The following MTAP variants were observed in gnomAD, a reference collection of about 807,000 sequenced individuals.
MTAP encodes the protein S-methyl-5'-thioadenosine phosphorylase.
Under a neutral mutation model 33.6 loss-of-function variants are expected in MTAP, and 33 were observed. The ratio of observed to expected loss-of-function variants is 0.98; its 90% CI spans 0.74 to 1.31. The LOEUF (loss-of-function observed/expected upper bound fraction) is 1.31. Ranked by LOEUF, MTAP falls within the 40% of genes most tolerant of loss-of-function variation. The pLI, the probability that MTAP is intolerant of heterozygous loss-of-function variation, is 0.00. For missense variants in MTAP, 367 were observed against 360.0 expected (o/e 1.02, Z -0.16); for synonymous variants, 148 against 125.7 (o/e 1.18, Z -1.19).
chr9:21,811,902 G>A (rs183555274), intron 1 of MTAP: 3 of 372,740 alleles, frequency 8.0e-6, no homozygotes, highest in African/African-American at 4.2e-5. Flanking sequence ...ACACACAGCT[G>A]TTTTTATATC....
downstream of MTAP, chr9:21,934,647 A>G (rs1424344435): frequency 6.6e-6 from 1 of 152,146 alleles, no homozygotes; most frequent in Non-Finnish European, 1.5e-5. The surrounding 1 kb of genome is among the most constrained non-coding windows in gnomAD (Gnocchi z 5.0). Context: ...AAGCAAGTAT[A>G]TATTAAGTAT....
At chr9:21,929,894 G>A (rs181100676) in intron 1 of MTAP, 161 of 355,378 alleles carry the variant, frequency 4.5e-4, no homozygotes, top group African/African-American at 2.7e-3. Context: ...AGCTTGTAAT[G>A]TTACTCTCTC....
intron 1 of MTAP, among the ~76,000 whole-genome samples, chr9:21,901,566 A>G (rs1453208066): frequency 6.6e-6 from 1 of 152,234 alleles, no homozygotes; most frequent in Admixed American, 6.5e-5. Flanking sequence ...TAAAACCTAT[A>G]AACGAGCTTT....
rs1236368174 is a variant in MTAP, at chr9:21,915,052, C to T, written c.148-15956C>T. ...CCTTCCTTCCTTCCTTCCTTCCTTCCTTCCTTTCTTTCTTTCTTTCTTTCT... is the reference window on the plus strand; with the variant it reads ...CCTTCCTTCCTTCCTTCCTTCCTTCTTTCCTTTCTTTCTTTCTTTCTTTCT... On this transcript the variant is annotated intron_variant, in intron 1 of 1. Coordinates refer to the MTAP transcript ENST00000577563. Among the ~76,000 whole-genome samples the T allele has an allele frequency of 5.9e-3, 585 of 98,942 alleles. 43 individuals carry two copies. The highest frequency in any genetic ancestry group is 0.027 in the African/African-American group (554 of 20,654). The allele number at this position is 98,942 out of a possible 152,430, so 64.9% of individuals were successfully genotyped here.
intron 1 of MTAP, among the ~76,000 whole-genome samples, chr9:21,899,500 A>G (rs967619369): frequency 6.6e-6 from 1 of 152,026 alleles, no homozygotes; most frequent in African/African-American, 2.4e-5. Context: ...TATAAAGGAG[A>G]GAGGTTCAGT....
intron 1 of MTAP, among the ~76,000 whole-genome samples, chr9:21,896,256 A>C (rs1424725956): frequency 4.6e-5 from 7 of 152,222 alleles, no homozygotes; most frequent in African/African-American, 1.7e-4. Flanking sequence ...GTACACATTT[A>C]AAGCAATAAA....
Position 21,818,115 on chromosome 9 carries a change from C to T in MTAP, c.260C>T (p.Thr87Ile). 1 of 1,614,012 alleles carries T rather than the reference C, an allele frequency of 6.2e-7. No individual in the cohort carries two copies. The highest frequency in any genetic ancestry group is 8.5e-7 in the Non-Finnish European group (1 of 1,179,988). The part of the protein sequence containing the change: ...NIWALKEEGC[T>I]HVIVTTACGS... ...TGGGCTTTGAAGGAAGAGGGCTGTACACATGTCATAGTGACCACAGCTTGT... is the reference window on the plus strand; with the variant it reads ...TGGGCTTTGAAGGAAGAGGGCTGTATACATGTCATAGTGACCACAGCTTGT... The change falls in exon 4 of 8, where the codon ACA (threonine) becomes ATA (isoleucine). Residue 87 changes from threonine to isoleucine, a missense_variant. Thr to Ile is a moderately conservative substitution (Grantham distance 89, BLOSUM62 -1). Coordinates refer to ENST00000644715, the MANE Select transcript of MTAP (RefSeq NM_002451.4).
intron 1 of MTAP, among the ~76,000 whole-genome samples, chr9:21,881,095 A>G (rs1818003974): frequency 6.6e-6 from 1 of 152,084 alleles, no homozygotes; most frequent in African/African-American, 2.4e-5. Flanking sequence ...AGAGCCCTGA[A>G]ATAAATCCTT....
intron 1 of MTAP, among the ~76,000 whole-genome samples, chr9:21,809,785 A>G (rs1824299892): frequency 6.6e-6 from 1 of 152,234 alleles, no homozygotes; most frequent in Non-Finnish European, 1.5e-5. Context: ...GGGCTTTGGT[A>G]TTGAAAGCTA....
chr9:21,916,777 G>A (rs1043253933), intron 1 of MTAP, among the ~76,000 whole-genome samples: 3 of 152,088 alleles, frequency 2.0e-5, no homozygotes, highest in South Asian at 4.1e-4. Flanking sequence ...TGGATCCTTC[G>A]TAGAGAGCAA....
intron 5 of MTAP, among the ~76,000 whole-genome samples, chr9:21,844,599 C>T (rs923397941): frequency 1.3e-5 from 2 of 152,180 alleles, no homozygotes; most frequent in Non-Finnish European, 2.9e-5. Flanking sequence ...AAATGTGATA[C>T]ATCACATAAA....
intron 1 of MTAP, among the ~76,000 whole-genome samples, chr9:21,810,518 A>G (rs781172668): frequency 3.9e-5 from 6 of 152,182 alleles, no homozygotes; most frequent in Non-Finnish European, 5.9e-5. Flanking sequence ...CTGGGACTGC[A>G]TGAATCCCTT....
downstream of MTAP, among the ~76,000 whole-genome samples, chr9:21,868,869 C>G (rs535528469): frequency 1.1e-4 from 16 of 152,270 alleles, no homozygotes; most frequent in African/African-American, 3.6e-4. Flanking sequence ...TTGCATGGCA[C>G]CACCCCAGAG....
At chr9:21,829,494 C>T (rs1316092123) in intron 4 of MTAP, among the ~76,000 whole-genome samples, 4 of 151,480 alleles carry the variant, frequency 2.6e-5, no homozygotes, top group African/African-American at 7.3e-5. Context: ...AATGCAATCT[C>T]GGCTCACTGC....
chr9:21,805,704 A>G (rs1824191348), intron 1 of MTAP, among the ~76,000 whole-genome samples: 1 of 152,146 alleles, frequency 6.6e-6, no homozygotes, highest in Non-Finnish European at 1.5e-5. Context: ...TCCCTCTACT[A>G]AGTGAGAGGA....
At chr9:21,867,673 A>T (rs1009774933), downstream of MTAP, among the ~76,000 whole-genome samples, 4 of 151,628 alleles carry the variant, frequency 2.6e-5, no homozygotes, top group Non-Finnish European at 5.9e-5. Context: ...ACATTTACAA[A>T]CATATATTTT....
intron 1 of MTAP, among the ~76,000 whole-genome samples, chr9:21,913,251 A>C (rs1260116099): frequency 2.6e-5 from 4 of 152,298 alleles, no homozygotes; most frequent in Admixed American, 6.5e-5. Context: ...GCTACCAATG[A>C]CTTTCTTCAC....
chr9:21,834,508 A>T (rs1825053158), intron 4 of MTAP, among the ~76,000 whole-genome samples: 1 of 152,178 alleles, frequency 6.6e-6, no homozygotes, highest in Non-Finnish European at 1.5e-5. Context: ...AATTGTCAGC[A>T]CGGCTGCATT....
intron 1 of MTAP, among the ~76,000 whole-genome samples, chr9:21,926,317 G>C (rs546084749): frequency 3.4e-4 from 51 of 151,626 alleles, no homozygotes; most frequent in Non-Finnish European, 5.7e-4. Flanking sequence ...AACTCGCTAT[G>C]TAACACCCCT....
Sources: gnomAD v4.1 joint callset for allele counts (sites outside exome capture counted in the v4.1 genomes callset) on GRCh38, gnomAD v4.1.1 for gene constraint, Gnocchi (gnomAD v3.1) non-coding constraint, MANE v1.5 for transcripts, NCBI Gene and HGNC (gene_info 2026-07-23, HGNC 2026-07-21) for gene names.